The following ARHGEF15 variants were observed in gnomAD, a reference collection of about 807,000 sequenced individuals.
The protein encoded by ARHGEF15 is Rho guanine nucleotide exchange factor 15, also known as Rho guanine nucleotide exchange factor (GEF) 15.
In ARHGEF15, 58 loss-of-function variants were observed where a neutral mutation model predicts 79.7. The ratio of observed to expected loss-of-function variants is 0.73; its 90% CI spans 0.59 to 0.91. The LOEUF (loss-of-function observed/expected upper bound fraction) is 0.91. Among genes scored for constraint, ARHGEF15 ranks in the 40% least tolerant of loss-of-function variants. ARHGEF15 has a pLI of 0.00. For missense variants in ARHGEF15, 1,012 were observed against 1,108.1 expected (o/e 0.91, Z 1.23); for synonymous variants, 442 against 456.0 (o/e 0.97, Z 0.39).
rs541556852 is a variant in ARHGEF15 at position 8,317,123 on chromosome 17, A to C, written c.1704+975A>C. The stretch of plus-strand genomic sequence containing the variant: ...TATAGCAAAGCAGAGAGTCCTTTCT[A>C]ACCAGGTCTCCCAATATGGGGATCT... On this transcript the variant is annotated intron_variant, in intron 9 of 15. Transcript: ENST00000361926. 3.8e-4 allele frequency among the ~76,000 whole-genome samples: 58 copies of C among 152,096 alleles called. 2 individuals are homozygous for C. Among genetic ancestry groups the C allele is most frequent in the African/African-American group, 1.3e-3 (55 of 41,484 alleles).
chr17:8,316,042 C>A lies in ARHGEF15; in HGVS notation c.1598C>A (p.Ala533Asp), dbSNP rs1263618805. Residue 533 changes from alanine (A) to aspartate (D), a missense_variant, in exon 9 of 16, where the codon GCC (alanine) becomes GAC (aspartate). Physicochemically the swap from Ala to Asp is moderately radical, Grantham distance 126 (BLOSUM62 -2). Transcript: ENST00000361926. ...RLMDTNVRFSAELRRLQSLPK... is the reference protein window; with the variant it reads ...RLMDTNVRFSDELRRLQSLPK... ...AGGGACACCAACGTGCGCTTCTCCG[C>A]CGAGCTGCGCCGGCTGCAGAGCCTC... The A allele has an allele frequency of 1.2e-6, 2 of 1,603,056 alleles. No individual in the cohort carries two copies. The highest frequency in any genetic ancestry group is 1.3e-5 in the African/African-American group (1 of 75,022).
At chr17:8,316,225 A>G in intron 9 of ARHGEF15, 77 bp downstream of exon 9, 2 of 1,535,120 alleles carry the variant, frequency 1.3e-6, no homozygotes, top group East Asian at 4.7e-5. Context: ...TTGGCCCTCC[A>G]GCTATCACCA....
Position 8,318,848 on chromosome 17 carries a change from C to T in ARHGEF15, c.1971C>T (p.Pro657=). The T allele has an allele frequency of 6.2e-7, 1 of 1,613,520 alleles. No homozygotes were observed. The highest frequency in any genetic ancestry group is 8.5e-7 in the Non-Finnish European group (1 of 1,180,014). The change falls in exon 12 of 16, where the codon CCC becomes CCT. Residue 657 remains proline (P), a synonymous_variant. Transcript: ENST00000361926. This position sits in a 1 kb window ranked among gnomAD's most constrained non-coding sequence, Gnocchi z 5.0. ...RRGGVLFASR[P]RFTPLCLLLF... ...GGGGCGTGCTCTTTGCCTCGCGCCC[C>T]CGCTTCACCCCTCTTTGCCTGCTGC...
At chr17:8,319,967 G>A (rs1597467572) in intron 15 of ARHGEF15, among the ~76,000 whole-genome samples, 1 of 143,172 alleles carries the variant, frequency 7.0e-6, no homozygotes, top group Non-Finnish European at 1.5e-5. Context: ...TAATGGAGGT[G>A]GGGGGTCTCA....
At position 8,312,977 on chromosome 17, in the gene ARHGEF15, T is replaced by C. The variant is rs1252152137; in HGVS notation, c.657T>C (p.Pro219=). 7.5e-6 allele frequency: 12 copies of C among 1,603,676 alleles called. No individual in the cohort carries two copies. The highest frequency in any genetic ancestry group is 2.2e-5 in the East Asian group (1 of 44,740). ...CCPCVCHTTR[P]GLELRWVPVG... ...CCTGTGTCTGCCACACCACCCGGCC[T>C]GGCCTGGAGCTCAGATGGGTGCCTG... Residue 219 remains proline, a synonymous_variant, in exon 3 of 16, where the codon CCT becomes CCC. Transcript: ENST00000361926.
rs1419300828 is a variant in ARHGEF15 at position 8,318,619 on chromosome 17, A to T, written c.1829A>T (p.Glu610Val). ...AEVGRMKQTE[E>V]LIRLTQRLRF... ...GTGGGGCGCATGAAGCAGACTGAAG[A>T]GCTGATCCGGCTCACCCAAAGGCTG... Residue 610 changes from glutamate to valine, a missense_variant, in exon 11 of 16, where the codon GAG (glutamate) becomes GTG (valine). Physicochemically the swap from Glu to Val is moderately radical, Grantham distance 121. Around this residue, in one of 3 missense-constraint regions of ARHGEF15, gnomAD observed 818 missense variants for 882.5 expected, o/e 0.93. Transcript: ENST00000361926. The surrounding 1 kb of genome is among the most constrained non-coding windows in gnomAD (Gnocchi z 5.0). 1.2e-6 allele frequency: 2 copies of T among 1,613,774 alleles called. No individual in the cohort carries two copies. The highest frequency in any genetic ancestry group is 4.5e-5 in the East Asian group (2 of 44,854).
At position 8,319,353 on chromosome 17, in the gene ARHGEF15, G is replaced by GCC. The variant is rs756926119; in HGVS notation, c.2232_2233dup (p.Leu745ProfsTer51). 1 of 1,614,048 alleles carries GCC rather than the reference G, an allele frequency of 6.2e-7. No homozygotes were observed. Among genetic ancestry groups the GCC allele is most frequent in the Non-Finnish European group, 8.5e-7 (1 of 1,179,986 alleles). Reference sequence around the variant, plus strand: ...TGGCTGGGAGCCTTCCCAACCCCAGGCCCCCTTCCCTGCTCCCCAGACACC... The same window carrying GCC: ...TGGCTGGGAGCCTTCCCAACCCCAGGCCCCCCCTTCCCTGCTCCCCAGACACC... On this transcript the variant is annotated frameshift_variant, in exon 14 of 16. Transcript: ENST00000361926. LOFTEE classifies it high-confidence loss of function.
In ARHGEF15 at chr17:8,320,995, G is replaced by A. The variant is rs771602783; in HGVS notation, c.*2G>A. The A allele has an allele frequency of 9.3e-6, 15 of 1,613,776 alleles. No homozygotes were observed. The African/African-American group carries it at 1.6e-4, about 17-fold the overall frequency. On this transcript the variant is annotated 3_prime_UTR_variant, in exon 16 of 16. Coordinates refer to ENST00000361926, the MANE Select transcript of ARHGEF15 (RefSeq NM_173728.4). ...ACCCCCAATGCCCCCCCACCCTAAT[G>A]CAGGCTGAGGAGGGGGCACATGTTG... is the stretch of plus-strand genomic sequence containing the variant.
Position 8,318,356 on chromosome 17 carries a change from G to C in ARHGEF15, c.1705-31G>C. On this transcript the variant is annotated intron_variant, in intron 9 of 15. Coordinates refer to ENST00000361926, the MANE Select transcript of ARHGEF15 (RefSeq NM_173728.4). This position sits in a 1 kb window ranked among gnomAD's most constrained non-coding sequence, Gnocchi z 5.0. The stretch of plus-strand genomic sequence containing the variant: ...CTGAATCCCAGGGCCACAGAGCAGG[G>C]GGCCCAGTCACCCTTCCTCCTTGTC... The C allele has an allele frequency of 6.2e-7, 1 of 1,605,354 alleles. No homozygotes were observed. Among genetic ancestry groups the C allele is most frequent in the South Asian group, 1.1e-5 (1 of 90,518 alleles).
In ARHGEF15 at chr17:8,315,059, C is replaced by A. The variant is rs1446965276; in HGVS notation, c.1049-7C>A. ...GGCTTCCCTGAAGTGCTATGTTTGC[C>A]CTCTAGAACCTCTGTACCAGACCTA... On this transcript the variant is annotated splice_region_variant and splice_polypyrimidine_tract_variant and intron_variant, in intron 5 of 15. Coordinates refer to ENST00000361926, the MANE Select transcript of ARHGEF15 (RefSeq NM_173728.4). The surrounding 1 kb of genome is among the most constrained non-coding windows in gnomAD (Gnocchi z 4.3). 3 of 1,612,830 alleles carry A rather than the reference C, an allele frequency of 1.9e-6. No homozygotes were observed. Among genetic ancestry groups the A allele is most frequent in the Non-Finnish European group, 2.5e-6 (3 of 1,179,330 alleles).
rs560319945 is a variant in ARHGEF15, at chr17:8,310,393, G to A, written c.-50+50G>A. On this transcript the variant is annotated intron_variant, in intron 1 of 15. Transcript: ENST00000361926. ...GAGTTAGGGAGGGAAGCCTGCGGGA[G>A]GGTCCCTGGGTGTGAAATAGGCGTT... 5.3e-5 allele frequency: 8 copies of A among 152,264 alleles called. No homozygotes were observed. In the South Asian group the frequency reaches 1.7e-3, roughly 32 times the overall value. 9.4% of individuals were successfully genotyped at this position (152,264 alleles called of 1,614,324 possible). A position where few individuals can be genotyped will look rare whatever the true frequency, so the allele number is the denominator to read the frequency against.
At position 8,312,269 on chromosome 17, in the gene ARHGEF15, C is replaced by T; in HGVS notation, c.230C>T (p.Pro77Leu). 5.9e-6 allele frequency: 8 copies of T among 1,352,182 alleles called. No individual in the cohort carries two copies. The highest frequency in any genetic ancestry group is 7.9e-6 in the Non-Finnish European group (8 of 1,015,962). 83.8% of individuals were successfully genotyped at this position (1,352,182 alleles called of 1,614,324 possible). ...AASLKPPALL[P>L]PSASRASLDS... ...TCCCTCAAGCCCCCTGCTCTTTTGC[C>T]CCCCTCAGCTTCTAGAGCCAGCCTC... The change falls in exon 2 of 16, where the codon CCC becomes CTC. Residue 77 changes from proline (P) to leucine (L), a missense_variant. Physicochemically the swap from Pro to Leu is moderately conservative, Grantham distance 98 (BLOSUM62 -3). Transcript: ENST00000361926.
Position 8,321,109 on chromosome 17 carries a change from C to A in ARHGEF15, c.*116C>A. The stretch of plus-strand genomic sequence containing the variant: ...GTGGAGATACTACCTCTCGTGGCAA[C>A]CATAGAGATCGAGCTTCAGGACAGA... On this transcript the variant is annotated 3_prime_UTR_variant, in exon 16 of 16. Transcript: ENST00000361926. 2 of 1,433,058 alleles carry A rather than the reference C, an allele frequency of 1.4e-6. No homozygotes were observed. The highest frequency in any genetic ancestry group is 1.3e-5 in the South Asian group (1 of 77,662). 88.8% of individuals were successfully genotyped at this position (1,433,058 alleles called of 1,614,324 possible). A position where few individuals can be genotyped will look rare whatever the true frequency, so the allele number is the denominator to read the frequency against.
chr17:8,313,350 A>G (rs1461040769), intron 3 of ARHGEF15, 96 bp downstream of exon 3: 1 of 1,510,012 alleles, frequency 6.6e-7, no homozygotes, highest in Admixed American at 1.9e-5. Flanking sequence ...CCCAACAGGC[A>G]CTGGGCTCTT....
chr17:8,313,615 G>A, intron 4 of ARHGEF15, 60 bp downstream of exon 4: 1 of 1,556,528 alleles, frequency 6.4e-7, no homozygotes, highest in Non-Finnish European at 8.7e-7. Flanking sequence ...CTACCTGAGG[G>A]CAGACTAACC....
chr17:8,313,056 A>G lies in ARHGEF15; in HGVS notation c.736A>G (p.Thr246Ala), dbSNP rs774905343. The G allele has an allele frequency of 2.5e-5, 40 of 1,608,488 alleles. No individual in the cohort carries two copies. The highest frequency in any genetic ancestry group is 3.4e-5 in the Non-Finnish European group (40 of 1,176,388). ...CCCCCGTCGGGCCTCCCCGCTGCGG[A>G]CCTCTCGCTCCCGCCCCCACCCTCC... ...RVPRRASPLR[T>A]SRSRPHPPSI... The change falls in exon 3 of 16, where the codon ACC becomes GCC. Residue 246 changes from threonine to alanine, a missense_variant. Physicochemically the swap from Thr to Ala is moderately conservative, Grantham distance 58. Coordinates refer to ENST00000361926, the MANE Select transcript of ARHGEF15 (RefSeq NM_173728.4).
chr17:8,310,481 C>G (rs372497113), intron 1 of ARHGEF15, 138 bp downstream of exon 1: 1 of 152,056 alleles, frequency 6.6e-6, no homozygotes, highest in East Asian at 1.9e-4. Flanking sequence ...TGAGACTCGC[C>G]GTGGAGGGAC....
rs1904993793 is a variant in ARHGEF15 at position 8,315,901 on chromosome 17, G to A, written c.1568G>A (p.Arg523His). 4 of 1,608,980 alleles carry A rather than the reference G, an allele frequency of 2.5e-6. No individual in the cohort carries two copies. Among genetic ancestry groups the A allele is most frequent in the Non-Finnish European group, 3.4e-6 (4 of 1,179,930 alleles). Residue 523 changes from arginine (R) to histidine (H), a missense_variant, in exon 8 of 16, where the codon CGC becomes CAC. Around this residue, in one of 3 missense-constraint regions of ARHGEF15, gnomAD observed 818 missense variants for 882.5 expected, o/e 0.93. Coordinates refer to ENST00000361926, the MANE Select transcript of ARHGEF15 (RefSeq NM_173728.4). The surrounding 1 kb of genome is among the most constrained non-coding windows in gnomAD (Gnocchi z 4.3). ...CAGTATCAGGAGGAGACCTACAGCCGCCTCATGTGAGTGTCCCAGGGGTGG... is the reference window on the plus strand; with the variant it reads ...CAGTATCAGGAGGAGACCTACAGCCACCTCATGTGAGTGTCCCAGGGGTGG... ...NQQYQEETYS[R>H]LMDTNVRFSA... is the part of the protein sequence containing the mutation.
chr17:8,319,285 T>C, intron 13 of ARHGEF15, 27 bp from the exon 14 acceptor site: 1 of 1,611,896 alleles, frequency 6.2e-7, no homozygotes, highest in Non-Finnish European at 8.5e-7. Flanking sequence ...TTGGGCCAAC[T>C]GTGACACTTC....
Sources: allele counts gnomAD v4.1 joint callset (sites outside exome capture counted in the v4.1 genomes callset), GRCh38; gene constraint gnomAD v4.1.1; regional missense constraint gnomAD v4.1.1; non-coding constraint Gnocchi (gnomAD v3.1); transcripts MANE v1.5; gene names NCBI Gene and HGNC (gene_info 2026-07-23, HGNC 2026-07-21).